Variants in CAMTA1 observed in about 807,000 individuals in gnomAD.
CAMTA1 encodes calmodulin binding transcription activator 1, also known as calmodulin-binding transcription activator 1.
Under a neutral mutation model 170.9 loss-of-function variants are expected in CAMTA1, and 27 were observed. The observed-to-expected ratio is 0.16, with a 90% CI of 0.12 to 0.22. CAMTA1 has a LOEUF of 0.22. Among genes scored for constraint, CAMTA1 ranks in the 10% least tolerant of loss-of-function variants. The pLI, the probability that CAMTA1 is intolerant of heterozygous loss-of-function variation, is 1.00. For missense variants in CAMTA1, 1,619 were observed against 2,217.2 expected (o/e 0.73, Z 5.42); for synonymous variants, 833 against 891.5 (o/e 0.93, Z 1.17).
chr1:7,230,766 C>G (rs1227791597), intron 4 of CAMTA1, among the ~76,000 whole-genome samples: 1 of 152,198 alleles, frequency 6.6e-6, no homozygotes, highest in South Asian at 2.1e-4. Context: ...ACTCCTGGAC[C>G]CAGCCCCAGC....
At chr1:7,737,592 A>ATC in intron 15 of CAMTA1, 22 bp downstream of exon 15, 1 of 1,581,840 alleles carries the variant, frequency 6.3e-7, no homozygotes, top group Non-Finnish European at 8.6e-7. Flanking sequence ...GAATCATGAC[A>ATC]TCTCAGAGCT....
At chr1:7,262,905 T>C (rs754814297) in intron 5 of CAMTA1, among the ~76,000 whole-genome samples, 95 of 152,290 alleles carry the variant, frequency 6.2e-4, no homozygotes, top group Non-Finnish European at 1.2e-3. Flanking sequence ...TGTGTTGACA[T>C]TGGCAGAGAG....
At chr1:7,522,420 A>C (rs1200867051) in intron 6 of CAMTA1, among the ~76,000 whole-genome samples, 1 of 152,160 alleles carries the variant, frequency 6.6e-6, no homozygotes, top group Non-Finnish European at 1.5e-5. Context: ...TGTGATTTGC[A>C]AATATTTTCT....
chr1:6,801,162 C>G (rs1162466967), intron 1 of CAMTA1, among the ~76,000 whole-genome samples: 1 of 152,230 alleles, frequency 6.6e-6, no homozygotes, highest in African/African-American at 2.4e-5. Flanking sequence ...CCAGAGATTT[C>G]TTCCAGGCAT....
At chr1:7,207,442 T>G (rs1256929336) in intron 4 of CAMTA1, among the ~76,000 whole-genome samples, 1 of 152,242 alleles carries the variant, frequency 6.6e-6, no homozygotes, top group Non-Finnish European at 1.5e-5. Flanking sequence ...CATTGAATGT[T>G]TTCTTCTTGT....
chr1:7,114,525 C>T (rs1644251766), intron 4 of CAMTA1, among the ~76,000 whole-genome samples: 1 of 152,000 alleles, frequency 6.6e-6, no homozygotes, highest in South Asian at 2.1e-4. Context: ...GGGCTGCATT[C>T]AAAGCCGTCC....
chr1:7,726,911 G>A (rs1282596709), intron 11 of CAMTA1, among the ~76,000 whole-genome samples: 1 of 152,174 alleles, frequency 6.6e-6, no homozygotes, highest in Non-Finnish European at 1.5e-5. Flanking sequence ...ATGGAAACTT[G>A]CACTTGTAAC....
chr1:7,299,083 C>T lies in CAMTA1; in HGVS notation c.438+49457C>T, dbSNP rs1030435746. 2.0e-5 allele frequency among the ~76,000 whole-genome samples: 3 copies of T among 152,206 alleles called. No individual in the cohort carries two copies. The highest frequency in any genetic ancestry group is 4.4e-5 in the Non-Finnish European group (3 of 68,040). ...TTGCTGTGTGACCTTAAGCAAGTAC[C>T]TTCCCCTCTCTAGGTCTGCTTCCTG... On this transcript the variant is annotated intron_variant, in intron 5 of 22. Transcript: ENST00000303635. This position sits in a 1 kb window ranked among gnomAD's most constrained non-coding sequence, Gnocchi z 4.7.
rs1663472596 is a variant in CAMTA1, at chr1:7,234,656, G to C, written c.303-14835G>C. Among the ~76,000 whole-genome samples the C allele has an allele frequency of 6.6e-6, 1 of 152,214 alleles. No homozygotes were observed. Among genetic ancestry groups the C allele is most frequent in the Non-Finnish European group, 1.5e-5 (1 of 68,036 alleles). Reference sequence around the variant, plus strand: ...ATGAAGGAGGCGTTCCTCCAGTCTTGCTCTGGAGCGAGTCTTGGTCATTAC... The same window carrying C: ...ATGAAGGAGGCGTTCCTCCAGTCTTCCTCTGGAGCGAGTCTTGGTCATTAC... On this transcript the variant is annotated intron_variant, in intron 4 of 22. Coordinates refer to ENST00000303635, the MANE Select transcript of CAMTA1 (RefSeq NM_015215.4). This position sits in a 1 kb window ranked among gnomAD's most constrained non-coding sequence, Gnocchi z 5.0.
chr1:6,865,669 G>A (rs187657789), intron 3 of CAMTA1, among the ~76,000 whole-genome samples: 90 of 152,322 alleles, frequency 5.9e-4, no homozygotes, highest in Admixed American at 1.0e-3. Context: ...GAGGTCCTGA[G>A]TACTAGCCTA....
chr1:7,015,881 T>G (rs1414400155), intron 3 of CAMTA1, among the ~76,000 whole-genome samples: 2 of 152,086 alleles, frequency 1.3e-5, no homozygotes, highest in Non-Finnish European at 2.9e-5. Flanking sequence ...GAAGCAGGCA[T>G]GTCCTGCATG....
At position 7,592,729 on chromosome 1, in the gene CAMTA1, G is replaced by A. The variant is rs2095364752; in HGVS notation, c.511-47671G>A. Among the ~76,000 whole-genome samples, 1 of 152,136 alleles carries A rather than the reference G, an allele frequency of 6.6e-6. No homozygotes were observed. Among genetic ancestry groups the A allele is most frequent in the South Asian group, 2.1e-4 (1 of 4,824 alleles). ...ATAGGACACACAGTGTCCTCATGGA[G>A]TCAACCAGCATCTCCTGCATCCTCT... On this transcript the variant is annotated intron_variant, in intron 6 of 22. Transcript: ENST00000303635. This position sits in a 1 kb window ranked among gnomAD's most constrained non-coding sequence, Gnocchi z 4.6.
chr1:7,290,609 G>T (rs541935648), intron 5 of CAMTA1, among the ~76,000 whole-genome samples: 2 of 152,032 alleles, frequency 1.3e-5, no homozygotes, highest in Non-Finnish European at 2.9e-5. Context: ...ATCTTCCTGC[G>T]TGTATTGACA....
intron 6 of CAMTA1, among the ~76,000 whole-genome samples, chr1:7,631,945 G>A (rs1356948542): frequency 2.0e-5 from 3 of 152,212 alleles, no homozygotes; most frequent in Non-Finnish European, 4.4e-5. Context: ...CAGCCAGAAG[G>A]TGGGTGAGAG....
At chr1:7,741,822 G>T (rs907418413) in intron 16 of CAMTA1, among the ~76,000 whole-genome samples, 2 of 152,082 alleles carry the variant, frequency 1.3e-5, no homozygotes, top group Admixed American at 1.3e-4. Flanking sequence ...TTGAACCCTG[G>T]AGGTGGAGGT....
chr1:6,885,496 T>C (rs1672953803), intron 3 of CAMTA1, among the ~76,000 whole-genome samples: 1 of 152,224 alleles, frequency 6.6e-6, no homozygotes, highest in Non-Finnish European at 1.5e-5. Flanking sequence ...AGAAATTTGC[T>C]GCTGAAACTT....
At chr1:7,084,976 A>G (rs143517349) in intron 3 of CAMTA1, among the ~76,000 whole-genome samples, 2 of 152,332 alleles carry the variant, frequency 1.3e-5, no homozygotes, top group African/African-American at 4.8e-5. Flanking sequence ...AGCTTCTAGA[A>G]ATTTTAAAAA....
At chr1:6,960,280 C>A (rs76357791) in intron 3 of CAMTA1, among the ~76,000 whole-genome samples, 1 of 152,090 alleles carries the variant, frequency 6.6e-6, no homozygotes, top group South Asian at 2.1e-4. Context: ...TTAAACGAGA[C>A]GTGAGTGGAG....
intron 20 of CAMTA1, among the ~76,000 whole-genome samples, chr1:7,752,249 C>T (rs1375080312): frequency 6.6e-6 from 1 of 152,130 alleles, no homozygotes; most frequent in Non-Finnish European, 1.5e-5. Context: ...CCTATACACA[C>T]CCTCCTTTCT....
Sources: allele counts gnomAD v4.1 joint callset (sites outside exome capture counted in the v4.1 genomes callset), GRCh38; gene constraint gnomAD v4.1.1; non-coding constraint Gnocchi (gnomAD v3.1); transcripts MANE v1.5; gene names NCBI Gene and HGNC (gene_info 2026-07-23, HGNC 2026-07-21).